Variants in PDZRN4 observed in about 807,000 individuals in gnomAD.
The protein encoded by PDZRN4 is PDZ domain containing ring finger 4, also known as PDZ domain-containing RING finger protein 4.
In PDZRN4, 70 loss-of-function variants were observed where a neutral mutation model predicts 99.0. The observed-to-expected ratio is 0.71, with a 90% CI of 0.58 to 0.86. The LOEUF (loss-of-function observed/expected upper bound fraction) is 0.86, where lower values mean the gene tolerates loss of function less well. Among genes scored for constraint, PDZRN4 ranks in the 40% least tolerant of loss-of-function variants. The probability of loss-of-function intolerance (pLI) is 0.00; values close to 1 mark genes in which losing one functional copy is unlikely to be tolerated. For missense variants in PDZRN4, 1,474 were observed against 1,331.2 expected (o/e 1.11, Z -1.67); for synonymous variants, 551 against 501.6 (o/e 1.10, Z -1.32).
intron 3 of PDZRN4, among the ~76,000 whole-genome samples, chr12:41,372,605 A>G (rs1415717805): frequency 1.3e-5 from 2 of 152,200 alleles, no homozygotes; most frequent in African/African-American, 2.4e-5. Flanking sequence ...TAGTTCACGT[A>G]CAGGGAATAG....
intron 3 of PDZRN4, among the ~76,000 whole-genome samples, chr12:41,397,589 T>C (rs1041189767): frequency 2.6e-5 from 4 of 152,310 alleles, no homozygotes; most frequent in Non-Finnish European, 5.9e-5. Context: ...AAAAAAATGC[T>C]GTATTTAATT....
At chr12:41,477,083 T>A (rs1937611021) in intron 3 of PDZRN4, among the ~76,000 whole-genome samples, 1 of 152,152 alleles carries the variant, frequency 6.6e-6, no homozygotes, top group Non-Finnish European at 1.5e-5. Flanking sequence ...TTAGTCCTAA[T>A]TACACCTAAC....
chr12:41,211,416 T>C (rs1950887697), intron 3 of PDZRN4, among the ~76,000 whole-genome samples: 1 of 152,036 alleles, frequency 6.6e-6, no homozygotes, highest in Admixed American at 6.6e-5. Context: ...CCCATTACTT[T>C]TATTTCTTTT....
At position 41,407,259 on chromosome 12, in the gene PDZRN4, G is replaced by C. The variant is rs188622325; in HGVS notation, c.844-99197G>C. Among the ~76,000 whole-genome samples, 392 of 152,244 alleles carry C rather than the reference G, an allele frequency of 2.6e-3. 4 individuals carry two copies. The highest frequency in any genetic ancestry group is 4.1e-3 in the Non-Finnish European group (276 of 68,018). Reference sequence around the variant, plus strand: ...TACTTTGGATAATGGAGTGGACTTAGCTAGCAAGAAAACCCTTCCTTTCTT... The same window carrying C: ...TACTTTGGATAATGGAGTGGACTTACCTAGCAAGAAAACCCTTCCTTTCTT... On this transcript the variant is annotated intron_variant, in intron 3 of 9. Coordinates refer to ENST00000402685, the MANE Select transcript of PDZRN4 (RefSeq NM_001164595.2).
intron 3 of PDZRN4, among the ~76,000 whole-genome samples, chr12:41,431,764 G>A (rs1259607798): frequency 1.3e-5 from 2 of 152,212 alleles, no homozygotes; most frequent in Non-Finnish European, 2.9e-5. Context: ...GCAAATTGAA[G>A]ATGTTCAACT....
intron 3 of PDZRN4, among the ~76,000 whole-genome samples, chr12:41,246,841 G>A (rs1951136779): frequency 6.6e-6 from 1 of 152,138 alleles, no homozygotes; most frequent in Non-Finnish European, 1.5e-5. Context: ...CATTGCTTTG[G>A]AAGCTAGAAG....
chr12:41,258,617 C>G (rs1008617387), intron 3 of PDZRN4, among the ~76,000 whole-genome samples: 4 of 152,138 alleles, frequency 2.6e-5, no homozygotes, highest in African/African-American at 9.7e-5. Context: ...GTACCAAAAA[C>G]GTGAAACTAC....
intron 3 of PDZRN4, among the ~76,000 whole-genome samples, chr12:41,378,871 A>G (rs996177711): frequency 6.6e-6 from 1 of 152,122 alleles, no homozygotes; most frequent in African/African-American, 2.4e-5. Flanking sequence ...GGCATTAATT[A>G]TTATTTAAAT....
intron 3 of PDZRN4, among the ~76,000 whole-genome samples, chr12:41,455,959 T>G (rs542179654): frequency 6.6e-6 from 1 of 152,340 alleles, no homozygotes; most frequent in Non-Finnish European, 1.5e-5. Context: ...CATATCCAAG[T>G]TGCCAAATTC....
At chr12:41,353,963 T>A (rs1951909382) in intron 3 of PDZRN4, among the ~76,000 whole-genome samples, 1 of 152,198 alleles carries the variant, frequency 6.6e-6, no homozygotes, top group African/African-American at 2.4e-5. Flanking sequence ...TAGGATGGCA[T>A]TACCTAACGG....
intron 8 of PDZRN4, among the ~76,000 whole-genome samples, chr12:41,564,199 T>C (rs1939321683): frequency 6.6e-6 from 1 of 152,218 alleles, no homozygotes. Flanking sequence ...AATTAGAATG[T>C]CTTGTATAGC....
chr12:41,233,577 G>A (rs916792284), intron 3 of PDZRN4, among the ~76,000 whole-genome samples: 1 of 152,102 alleles, frequency 6.6e-6, no homozygotes, highest in African/African-American at 2.4e-5. Flanking sequence ...AGAAAATGTG[G>A]CACATATGCA....
At chr12:41,439,380 A>C (rs943874273) in intron 3 of PDZRN4, among the ~76,000 whole-genome samples, 12 of 152,120 alleles carry the variant, frequency 7.9e-5, no homozygotes, top group African/African-American at 2.9e-4. Context: ...TTAGAGTTTG[A>C]GTTCTAGTAT....
At chr12:41,483,733 C>CA (rs1937721013) in intron 3 of PDZRN4, among the ~76,000 whole-genome samples, 1 of 152,094 alleles carries the variant, frequency 6.6e-6, no homozygotes, top group Non-Finnish European at 1.5e-5. Flanking sequence ...CATCTTACTG[C>CA]TAGTCTTTTT....
intron 3 of PDZRN4, among the ~76,000 whole-genome samples, chr12:41,332,744 T>TAA (rs3046824): frequency 3.8e-4 from 45 of 118,204 alleles, no homozygotes; most frequent in South Asian, 1.8e-3. Context: ...AGAGGAGGAT[T>TAA]AAAAAAAAAA....
intron 3 of PDZRN4, chr12:41,412,021 G>T (rs539828172): frequency 6.6e-6 from 1 of 152,236 alleles, no homozygotes; most frequent in South Asian, 2.1e-4. Flanking sequence ...TATGTCTAGG[G>T]CAGTTTCCTT....
At chr12:41,287,788 T>C (rs932351821) in intron 3 of PDZRN4, among the ~76,000 whole-genome samples, 3 of 152,234 alleles carry the variant, frequency 2.0e-5, no homozygotes, top group East Asian at 1.9e-4. Context: ...CCTTACTGTT[T>C]AGTGTAAACT....
At chr12:41,262,204 G>T (rs1951245114) in intron 3 of PDZRN4, among the ~76,000 whole-genome samples, 1 of 152,196 alleles carries the variant, frequency 6.6e-6, no homozygotes, top group African/African-American at 2.4e-5. Flanking sequence ...GGTGCTGATT[G>T]ATGATACAGT....
At chr12:41,273,762 A>G (rs2120867375) in intron 3 of PDZRN4, among the ~76,000 whole-genome samples, 1 of 152,252 alleles carries the variant, frequency 6.6e-6, no homozygotes, top group East Asian at 1.9e-4. Flanking sequence ...GTTTACCTGC[A>G]AAAACTATGG....
Sources: gnomAD v4.1 joint callset for allele counts (sites outside exome capture counted in the v4.1 genomes callset) on GRCh38, gnomAD v4.1.1 for gene constraint, MANE v1.5 for transcripts, NCBI Gene and HGNC (gene_info 2026-07-23, HGNC 2026-07-21) for gene names.